The following DNAH8 variants were observed in gnomAD, a reference collection of about 807,000 sequenced individuals.
DNAH8 encodes dynein axonemal heavy chain 8, also known as axonemal beta dynein heavy chain 8.
In DNAH8, 382 loss-of-function variants were observed where a neutral mutation model predicts 562.1. The ratio of observed to expected loss-of-function variants is 0.68; its 90% CI spans 0.63 to 0.74. The LOEUF is 0.74. DNAH8 is among the 30% of genes least tolerant of loss of function. The probability of loss-of-function intolerance (pLI) is 0.00; values close to 1 mark genes in which losing one functional copy is unlikely to be tolerated. For missense variants in DNAH8, 5,203 were observed against 5,620.4 expected (o/e 0.93, Z 2.37); for synonymous variants, 1,881 against 1,919.4 (o/e 0.98, Z 0.52).
At chr6:39,017,262 T>C (rs938834911) in intron 91 of DNAH8, among the ~76,000 whole-genome samples, 2 of 152,208 alleles carry the variant, frequency 1.3e-5, no homozygotes, top group Non-Finnish European at 2.9e-5. Flanking sequence ...CTGGTCTGTT[T>C]TTCCCGAAGG....
At chr6:38,817,627 C>A (rs907825124) in intron 26 of DNAH8, among the ~76,000 whole-genome samples, 16 of 152,246 alleles carry the variant, frequency 1.1e-4, no homozygotes, top group Middle Eastern at 3.4e-3. Flanking sequence ...GGAATTCCCC[C>A]CAGAGGGCAG....
intron 12 of DNAH8, among the ~76,000 whole-genome samples, chr6:38,772,272 C>T (rs1054340628): frequency 6.6e-6 from 1 of 152,120 alleles, no homozygotes; most frequent in African/African-American, 2.4e-5. Context: ...TTGTGATCCA[C>T]CCACCTCGAC....
chr6:38,948,790 G>A (rs1761639554), intron 80 of DNAH8, among the ~76,000 whole-genome samples: 2 of 152,204 alleles, frequency 1.3e-5, no homozygotes, highest in South Asian at 4.1e-4. Context: ...AAAACCTGAA[G>A]TCCTTTTCAT....
At chr6:39,026,966 A>C (rs2150801808) in intron 92 of DNAH8, among the ~76,000 whole-genome samples, 1 of 152,350 alleles carries the variant, frequency 6.6e-6, no homozygotes, top group African/African-American at 2.4e-5. Context: ...CATGCCTATA[A>C]TCCTAGCACT....
intron 28 of DNAH8, among the ~76,000 whole-genome samples, chr6:38,824,131 A>T (rs1773112623): frequency 6.6e-6 from 1 of 152,240 alleles, no homozygotes; most frequent in Non-Finnish European, 1.5e-5. Flanking sequence ...AGAGTATCAA[A>T]GGATGAGGAG....
intron 37 of DNAH8, 44 bp downstream of exon 37, chr6:38,848,845 T>C: frequency 6.3e-7 from 1 of 1,588,114 alleles, no homozygotes; most frequent in African/African-American, 1.3e-5. Context: ...ATTTGGTGTA[T>C]GTTGTCTATA....
chr6:38,851,617 A>G lies in DNAH8; in HGVS notation c.5409A>G (p.Val1803=), dbSNP rs1775752647. ...TACTGTTTCCAAGATTCTTCTTTGT[A>G]TCTGATCCAGTTCTCCTGGAAATTC... ...KRLLFPRFFF[V]SDPVLLEILG... Residue 1803 remains valine, a synonymous_variant, in exon 39 of 93, where the codon GTA becomes GTG. Coordinates refer to ENST00000327475, the MANE Select transcript of DNAH8 (RefSeq NM_001206927.2). 6.2e-7 allele frequency: 1 copy of G among 1,612,340 alleles called. No individual in the cohort carries two copies. The highest frequency in any genetic ancestry group is 8.5e-7 in the Non-Finnish European group (1 of 1,179,384).
chr6:38,929,430 G>T, intron 74 of DNAH8, 81 bp from the exon 75 acceptor site: 1 of 1,356,190 alleles, frequency 7.4e-7, no homozygotes. Flanking sequence ...TTGATTACCT[G>T]TCCAACAAAT....
chr6:38,944,702 G>A (rs1283280707), intron 79 of DNAH8, among the ~76,000 whole-genome samples: 3 of 152,134 alleles, frequency 2.0e-5, no homozygotes, highest in Non-Finnish European at 4.4e-5. Context: ...ATTCTCCACT[G>A]GACTCAAGCT....
At chr6:38,884,672 C>G (rs528104502) in intron 56 of DNAH8, among the ~76,000 whole-genome samples, 3 of 152,334 alleles carry the variant, frequency 2.0e-5, no homozygotes, top group Admixed American at 2.0e-4. Context: ...CTCCTCTCTT[C>G]TGCCTTTCTG....
At chr6:39,017,674 C>T (rs1373527294) in intron 91 of DNAH8, among the ~76,000 whole-genome samples, 1 of 152,168 alleles carries the variant, frequency 6.6e-6, no homozygotes, top group Non-Finnish European at 1.5e-5. Flanking sequence ...CAAGCCATGC[C>T]AGTCAGTTGT....
chr6:38,780,411 T>C (rs1315435988), intron 15 of DNAH8, among the ~76,000 whole-genome samples: 1 of 152,208 alleles, frequency 6.6e-6, no homozygotes, highest in Admixed American at 6.5e-5. Context: ...GCAGCACTAT[T>C]CACAATAGCA....
At chr6:38,857,354 A>G (rs564515431) in intron 41 of DNAH8, among the ~76,000 whole-genome samples, 164 bp from the exon 42 acceptor site, 22 of 152,354 alleles carry the variant, frequency 1.4e-4, no homozygotes, top group Admixed American at 1.2e-3. Context: ...TGAAATAATT[A>G]AATATTAACG....
chr6:38,765,747 C>T (rs940729409), intron 11 of DNAH8, among the ~76,000 whole-genome samples: 2 of 152,088 alleles, frequency 1.3e-5, no homozygotes, highest in Admixed American at 1.3e-4. Flanking sequence ...CAGTGTGATG[C>T]CTCCAGCTTT....
At chr6:38,857,178 G>A (rs1563011772) in intron 41 of DNAH8, among the ~76,000 whole-genome samples, 1 of 152,176 alleles carries the variant, frequency 6.6e-6, no homozygotes, top group Non-Finnish European at 1.5e-5. Flanking sequence ...AGAACAAGCA[G>A]ATAATAAAGA....
rs1456901204 is a variant in DNAH8 at position 38,938,892 on chromosome 6, G to GA, written c.11915dup (p.Asn3972LysfsTer15). ...TACATACTCTGTCAGAGGCCTATAC[G>GA]AAAACCACAAATTCCTGTTTGTACT... On this transcript the variant is annotated frameshift_variant, in exon 79 of 93. Transcript: ENST00000327475. LOFTEE classifies it high-confidence loss of function. 2.5e-6 allele frequency: 4 copies of GA among 1,613,650 alleles called. No homozygotes were observed. Among genetic ancestry groups the GA allele is most frequent in the Non-Finnish European group, 3.4e-6 (4 of 1,179,766 alleles).
At chr6:38,942,601 A>C (rs991785587) in intron 79 of DNAH8, among the ~76,000 whole-genome samples, 1 of 152,206 alleles carries the variant, frequency 6.6e-6, no homozygotes, top group Non-Finnish European at 1.5e-5. Context: ...CAGAGACTAG[A>C]GGTCAAACCA....
chr6:38,722,894 G>A lies in DNAH8; in HGVS notation c.85G>A (p.Glu29Lys). Residue 29 changes from glutamate to lysine, a missense_variant, in exon 2 of 93, where the codon GAA (glutamate) becomes AAA (lysine). By Grantham distance (56) the Glu-to-Lys change is moderately conservative. Around this residue, in one of 6 missense-constraint regions of DNAH8, gnomAD observed 556 missense variants for 496.9 expected, o/e 1.12. Transcript: ENST00000327475. ...STEEAAPPRS[E>K]EEEAPRPPTV... ...GGAAGAGGCTGCCCCTCCCCGTTCA[G>A]AAGAGGAAGAGGCCCCGCGCCCTCC... 6.2e-7 allele frequency: 1 copy of A among 1,612,126 alleles called. No homozygotes were observed. Among genetic ancestry groups the A allele is most frequent in the Non-Finnish European group, 8.5e-7 (1 of 1,179,504 alleles).
chr6:38,858,019 G>A (rs187970324), intron 42 of DNAH8, among the ~76,000 whole-genome samples: 2 of 152,174 alleles, frequency 1.3e-5, no homozygotes, highest in African/African-American at 4.8e-5. Context: ...ATATAATTTA[G>A]GTCATAAGCT....
Sources: allele counts gnomAD v4.1 joint callset (sites outside exome capture counted in the v4.1 genomes callset), GRCh38; gene constraint gnomAD v4.1.1; regional missense constraint gnomAD v4.1.1; transcripts MANE v1.5; gene names NCBI Gene and HGNC (gene_info 2026-07-23, HGNC 2026-07-21).